MAP4K4: variants seen among roughly 807,000 people sequenced by gnomAD.
MAP4K4 encodes the protein mitogen-activated protein kinase kinase kinase kinase 4.
Under a neutral mutation model 189.6 loss-of-function variants are expected in MAP4K4, and 38 were observed. The ratio of observed to expected loss-of-function variants is 0.20; its 90% confidence interval spans 0.15 to 0.26. The LOEUF (loss-of-function observed/expected upper bound fraction) is 0.26. MAP4K4 is among the 10% of genes least tolerant of loss of function. The probability of loss-of-function intolerance (pLI) is 1.00; values close to 1 mark genes in which losing one functional copy is unlikely to be tolerated. For missense variants in MAP4K4, 1,054 were observed against 1,726.9 expected (o/e 0.61, Z 6.91); for synonymous variants, 610 against 624.3 (o/e 0.98, Z 0.34).
chr2:101,770,842 A>C (rs1471502269), intron 2 of MAP4K4, among the ~76,000 whole-genome samples: 2 of 152,206 alleles, frequency 1.3e-5, no homozygotes, highest in African/African-American at 4.8e-5. Flanking sequence ...AAACTGGAGT[A>C]GACAACTGTC....
intron 3 of MAP4K4, among the ~76,000 whole-genome samples, chr2:101,796,125 A>G (rs2093660196): frequency 6.6e-6 from 1 of 152,202 alleles, no homozygotes; most frequent in Non-Finnish European, 1.5e-5. Flanking sequence ...GCAGAGCTGT[A>G]TCCAATCTAG....
intron 2 of MAP4K4, among the ~76,000 whole-genome samples, chr2:101,747,757 A>G (rs1417821404): frequency 6.6e-6 from 1 of 152,198 alleles, no homozygotes; most frequent in African/African-American, 2.4e-5. Context: ...ACCAGCAAAC[A>G]AACAAAACAG....
intron 2 of MAP4K4, among the ~76,000 whole-genome samples, chr2:101,786,126 G>A (rs1006888980): frequency 6.6e-6 from 1 of 152,022 alleles, no homozygotes; most frequent in Non-Finnish European, 1.5e-5. Flanking sequence ...CACCCGGCCG[G>A]CATCTTTTTC....
chr2:101,830,701 G>C (rs534766172), intron 6 of MAP4K4, among the ~76,000 whole-genome samples: 1 of 152,144 alleles, frequency 6.6e-6, no homozygotes, highest in African/African-American at 2.4e-5. Flanking sequence ...AAATGACTCA[G>C]TGAGTTGTGT....
chr2:101,787,352 C>A, intron 2 of MAP4K4, among the ~76,000 whole-genome samples: 1 of 152,184 alleles, frequency 6.6e-6, no homozygotes, highest in Non-Finnish European at 1.5e-5. Flanking sequence ...AATGCCTTTT[C>A]CTGTGTCCTT....
chr2:101,750,421 A>G (rs1032029002), intron 2 of MAP4K4, among the ~76,000 whole-genome samples: 3 of 146,680 alleles, frequency 2.0e-5, no homozygotes, highest in African/African-American at 5.1e-5. Flanking sequence ...CAAAAAACCA[A>G]ACACCGCATA....
At position 101,732,227 on chromosome 2, in the gene MAP4K4, T is replaced by C. The variant is rs552746688; in HGVS notation, c.123+33689T>C. Among the ~76,000 whole-genome samples the C allele has an allele frequency of 2.0e-5, 3 of 152,194 alleles. No homozygotes were observed. In the South Asian group the frequency reaches 6.2e-4, roughly 31 times the overall value. On this transcript the variant is annotated intron_variant, in intron 2 of 32. Coordinates refer to ENST00000324219, the Ensembl canonical transcript of MAP4K4. ...CTGAAGTAACCCATACAACCTTCCC[T>C]CATAAACTTTCCAGAATTTATTTAG...
chr2:101,845,282 A>G (rs1218904775), intron 12 of MAP4K4, among the ~76,000 whole-genome samples: 2 of 152,216 alleles, frequency 1.3e-5, no homozygotes, highest in Admixed American at 1.3e-4. Flanking sequence ...GGAGAAGTAC[A>G]TTTTACACCA....
intron 2 of MAP4K4, among the ~76,000 whole-genome samples, chr2:101,761,749 G>T (rs1156632526): frequency 2.0e-5 from 3 of 151,930 alleles, no homozygotes; most frequent in Admixed American, 2.0e-4. Context: ...TAGAGACAGG[G>T]TTTCACCATG....
chr2:101,875,347 T>C (rs2098168897), intron 26 of MAP4K4, among the ~76,000 whole-genome samples: 2 of 152,110 alleles, frequency 1.3e-5, no homozygotes, highest in Admixed American at 6.5e-5. Context: ...ATACTGATAA[T>C]CTTTTTAGTT....
exon 9 of MAP4K4, chr2:101,835,959 C>G (rs1169753598): frequency 6.2e-7 from 1 of 1,613,146 alleles, no homozygotes; most frequent in Non-Finnish European, 8.5e-7. Context: ...CCCTCCTCCC[C>G]GGCTGAAGTC....
chr2:101,882,416 C>T (rs1424901726), intron 27 of MAP4K4, 135 bp from the exon 28 acceptor site: 1 of 570,348 alleles, frequency 1.8e-6, no homozygotes, highest in Non-Finnish European at 2.8e-6. Context: ...TGGTACACAT[C>T]TCCAACTTGT....
rs1290719557 is a variant in MAP4K4 at position 101,891,151 on chromosome 2, T to G, written c.4072-15T>G. On this transcript the variant is annotated splice_polypyrimidine_tract_variant and intron_variant, in intron 32 of 32. Coordinates refer to ENST00000324219, the Ensembl canonical transcript of MAP4K4. ...GACCATGGTAACCATTCCCTCTCTT[T>G]TCTTGCTTTTGCAGGTGTTCTTTGC... 1 of 1,610,052 alleles carries G rather than the reference T, an allele frequency of 6.2e-7. No individual in the cohort carries two copies. The highest frequency in any genetic ancestry group is 1.1e-5 in the South Asian group (1 of 90,964).
chr2:101,747,893 C>T (rs373161669), intron 2 of MAP4K4, among the ~76,000 whole-genome samples: 14 of 152,298 alleles, frequency 9.2e-5, no homozygotes, highest in African/African-American at 3.1e-4. Flanking sequence ...TTTTTGGCAC[C>T]TCTTCTGCTT....
chr2:101,750,261 A>C (rs887100062), intron 2 of MAP4K4, among the ~76,000 whole-genome samples: 3 of 140,322 alleles, frequency 2.1e-5, no homozygotes, highest in Admixed American at 7.3e-5. Context: ...GAACCAACCC[A>C]AATGTCCAAC....
intron 2 of MAP4K4, among the ~76,000 whole-genome samples, chr2:101,760,542 G>GTGTT (rs1237804471): frequency 1.3e-5 from 2 of 148,924 alleles, no homozygotes; most frequent in Non-Finnish European, 3.0e-5. Flanking sequence ...GTGTGTGTGT[G>GTGTT]TGTGTGTGTG....
At chr2:101,793,992 A>G (rs1393843317) in intron 3 of MAP4K4, among the ~76,000 whole-genome samples, 2 of 152,310 alleles carry the variant, frequency 1.3e-5, no homozygotes, top group East Asian at 1.9e-4. Context: ...TTTGCAAGAG[A>G]TGTCAAGTTC....
chr2:101,838,703 A>G (rs1461155119), intron 9 of MAP4K4, among the ~76,000 whole-genome samples: 1 of 152,242 alleles, frequency 6.6e-6, no homozygotes, highest in African/African-American at 2.4e-5. Context: ...ATAGAACCTG[A>G]CATAAACAAA....
chr2:101,847,958 A>G (rs1009358827), intron 12 of MAP4K4, among the ~76,000 whole-genome samples: 1 of 152,158 alleles, frequency 6.6e-6, no homozygotes, highest in African/African-American at 2.4e-5. Context: ...GTTTAGATTC[A>G]CAACTACTTA....
Sources: gnomAD v4.1 joint callset for allele counts (sites outside exome capture counted in the v4.1 genomes callset) on GRCh38, gnomAD v4.1.1 for gene constraint, MANE v1.5 for transcripts, NCBI Gene and HGNC (gene_info 2026-07-23, HGNC 2026-07-21) for gene names.